GRAMD2A: variants seen among roughly 807,000 people sequenced by gnomAD.
GRAMD2A encodes the protein GRAM domain containing 2A.
Under a neutral mutation model 51.1 loss-of-function variants are expected in GRAMD2A, and 37 were observed. The ratio of observed to expected loss-of-function variants is 0.72; its 90% CI spans 0.56 to 0.95. The LOEUF is 0.95. GRAMD2A is among the 40% of genes least tolerant of loss of function. GRAMD2A has a pLI of 0.00. For missense variants in GRAMD2A, 414 were observed against 426.9 expected, an observed-to-expected ratio of 0.97 and a Z score of 0.27; for synonymous variants, 136 against 157.1, an observed-to-expected ratio of 0.87 and a Z score of 1.01.
rs2081465574 is a variant in GRAMD2A at position 72,160,781 on chromosome 15, GA to G, written c.*1227del. 6.6e-6 allele frequency: 1 copy of G among 152,546 alleles called. No individual in the cohort carries two copies. The highest frequency in any genetic ancestry group is 2.1e-4 in the South Asian group (1 of 4,822). 9.4% of individuals were successfully genotyped at this position (152,546 alleles called of 1,614,324 possible). On this transcript the variant is annotated 3_prime_UTR_variant, in exon 12 of 12. Transcript: ENST00000309731. ...AGAAGAAGAGAAGGCCTTGATAGAG[GA>G]AGAGGAATATCCAAGGCAAAGCCAC...
chr15:72,167,166 C>A (rs2081555725), intron 5 of GRAMD2A, 74 bp from the exon 6 acceptor site: 2 of 1,142,512 alleles, frequency 1.8e-6, no homozygotes, highest in Non-Finnish European at 2.7e-6. Flanking sequence ...GCCTAGGGAC[C>A]CAGCTGTGAG....
chr15:72,163,857 C>T, intron 8 of GRAMD2A, 100 bp from the exon 9 acceptor site: 1 of 1,282,576 alleles, frequency 7.8e-7, no homozygotes, highest in Non-Finnish European at 1.1e-6. Flanking sequence ...CCAGATATTA[C>T]CAAATATAGA....
At chr15:72,178,871 G>C (rs2081676365) in intron 1 of GRAMD2A, among the ~76,000 whole-genome samples, 1 of 152,190 alleles carries the variant, frequency 6.6e-6, no homozygotes, top group Non-Finnish European at 1.5e-5. Flanking sequence ...ACCCGGCCCG[G>C]CTGTCTTGCA....
intron 1 of GRAMD2A, among the ~76,000 whole-genome samples, chr15:72,187,741 T>C (rs564791279): frequency 1.3e-5 from 2 of 152,304 alleles, no homozygotes; most frequent in South Asian, 4.1e-4. Flanking sequence ...CTCAAATTCC[T>C]GGGCTCAAGT....
chr15:72,167,382 A>G (rs1334722405), intron 5 of GRAMD2A, among the ~76,000 whole-genome samples: 1 of 152,234 alleles, frequency 6.6e-6, no homozygotes, highest in Admixed American at 6.5e-5. Flanking sequence ...ATACTCTAGT[A>G]ATGGAGCTCC....
At chr15:72,177,975 G>A (rs190663354) in intron 1 of GRAMD2A, among the ~76,000 whole-genome samples, 30 of 152,258 alleles carry the variant, frequency 2.0e-4, no homozygotes, top group East Asian at 1.7e-3. Flanking sequence ...TGATCCACCC[G>A]CCTCGGCCTC....
intron 1 of GRAMD2A, among the ~76,000 whole-genome samples, chr15:72,184,929 T>C (rs962750687): frequency 2.0e-5 from 3 of 152,246 alleles, no homozygotes; most frequent in Non-Finnish European, 4.4e-5. Flanking sequence ...GCAGATATTT[T>C]CATATTTGGG....
intron 1 of GRAMD2A, among the ~76,000 whole-genome samples, chr15:72,182,223 G>A (rs925120395): frequency 6.6e-6 from 1 of 151,808 alleles, no homozygotes; most frequent in Admixed American, 6.6e-5. Context: ...AAATCAGCTG[G>A]GCGTGGTGGC....
At position 72,176,515 on chromosome 15, in the gene GRAMD2A, G is replaced by A. The variant is rs181706692; in HGVS notation, c.42-6576C>T. On this transcript the variant is annotated intron_variant, in intron 1 of 11. Coordinates refer to ENST00000309731, the MANE Select transcript of GRAMD2A (RefSeq NM_001012642.3). ...GCCAGCCAGGACGCTCAGCCCCAGC[G>A]AGCTCCAAGCAGAGACCTGAAAACA... 1.4e-3 allele frequency: 212 copies of A among 152,814 alleles called. 2 individuals carry two copies. Among genetic ancestry groups the A allele is most frequent in the Admixed American group, 4.0e-3 (62 of 15,312 alleles). 9.5% of individuals were successfully genotyped at this position (152,814 alleles called of 1,614,324 possible). A position where few individuals can be genotyped will look rare whatever the true frequency, so the allele number is the denominator to read the frequency against.
intron 10 of GRAMD2A, chr15:72,162,855 G>A (rs777862689): frequency 2.4e-5 from 5 of 211,152 alleles, no homozygotes; most frequent in South Asian, 9.7e-5. Flanking sequence ...CACTTCCCAC[G>A]ATGCTCCCTG....
chr15:72,197,640 G>T, intron 1 of GRAMD2A, 91 bp downstream of exon 1: 1 of 1,047,732 alleles, frequency 9.5e-7, no homozygotes, highest in African/African-American at 1.7e-5. Flanking sequence ...AGTTGCCGCG[G>T]CCCCAGGAGC....
At chr15:72,196,731 G>T (rs1048169283) in intron 1 of GRAMD2A, among the ~76,000 whole-genome samples, 1 of 152,136 alleles carries the variant, frequency 6.6e-6, no homozygotes, top group Non-Finnish European at 1.5e-5. Context: ...GCAAGGAGGG[G>T]CACCTTTAAA....
chr15:72,166,357 C>G lies in GRAMD2A; in HGVS notation c.543+275G>C. On this transcript the variant is annotated intron_variant, in intron 7 of 11. Transcript: ENST00000309731. This position sits in a 1 kb window ranked among gnomAD's most constrained non-coding sequence, Gnocchi z 4.1. Reference sequence around the variant, plus strand: ...ACACATTTTTGACTTACGATATTTTCAACTTTTGATGGGTTCATGGGACAT... The same window carrying G: ...ACACATTTTTGACTTACGATATTTTGAACTTTTGATGGGTTCATGGGACAT... Among the ~76,000 whole-genome samples the G allele has an allele frequency of 6.6e-6, 1 of 152,144 alleles. No individual in the cohort carries two copies. The highest frequency in any genetic ancestry group is 1.5e-5 in the Non-Finnish European group (1 of 68,024).
chr15:72,162,350 G>A lies in GRAMD2A; in HGVS notation c.984C>T (p.Ser328=). The A allele has an allele frequency of 6.2e-7, 1 of 1,613,942 alleles. No individual in the cohort carries two copies. ...GCCGAGAAATACGGAACGCCAGGTA[G>A]GATGAGGACATGACCAGGAAGCAGA... is the stretch of plus-strand genomic sequence containing the variant. ...VLICFLVMSS[S]YLAFRISRLE... The change falls in exon 11 of 12, where the codon TCC becomes TCT. Residue 328 remains serine, a synonymous_variant. Transcript: ENST00000309731.
At chr15:72,165,315 G>A in intron 8 of GRAMD2A, 39 bp downstream of exon 8, 3 of 1,598,538 alleles carry the variant, frequency 1.9e-6, no homozygotes, top group Non-Finnish European at 2.6e-6. Context: ...TCCAGGCACT[G>A]TCAGTCCAGC....
rs777601792 is a variant in GRAMD2A, at chr15:72,187,117, G to A, written c.41+10614C>T. Among the ~76,000 whole-genome samples, 253 of 151,588 alleles carry A rather than the reference G, an allele frequency of 1.7e-3. 1 individual carries two copies. Among genetic ancestry groups the A allele is most frequent in the Non-Finnish European group, 1.7e-3 (113 of 67,920 alleles). Reference sequence around the variant, plus strand: ...TAGAGGTAGAGTGAGCTGAGATAGCGCCACTGCATTCCAGCCTGGGCAACA... The same window carrying A: ...TAGAGGTAGAGTGAGCTGAGATAGCACCACTGCATTCCAGCCTGGGCAACA... On this transcript the variant is annotated intron_variant, in intron 1 of 11. Coordinates refer to ENST00000309731, the MANE Select transcript of GRAMD2A (RefSeq NM_001012642.3).
At position 72,161,194 on chromosome 15, in the gene GRAMD2A, G is replaced by A. The variant is rs936343330; in HGVS notation, c.*815C>T. 3 of 152,256 alleles carry A rather than the reference G, an allele frequency of 2.0e-5. No homozygotes were observed. The highest frequency in any genetic ancestry group is 7.2e-5 in the African/African-American group (3 of 41,444). 9.4% of individuals were successfully genotyped at this position (152,256 alleles called of 1,614,324 possible). A position where few individuals can be genotyped will look rare whatever the true frequency, so the allele number is the denominator to read the frequency against. Reference sequence around the variant, plus strand: ...CCTTAGAAATGTTTGAGCACACAAGGGCAAAACCCAGTACCAGGTCTGTGA... The same window carrying A: ...CCTTAGAAATGTTTGAGCACACAAGAGCAAAACCCAGTACCAGGTCTGTGA... On this transcript the variant is annotated 3_prime_UTR_variant, in exon 12 of 12. Transcript: ENST00000309731.
In GRAMD2A at chr15:72,170,041, G is replaced by A. The variant is rs1440225997; in HGVS notation, c.42-102C>T. On this transcript the variant is annotated intron_variant, in intron 1 of 11. Transcript: ENST00000309731. The surrounding 1 kb of genome is among the most constrained non-coding windows in gnomAD (Gnocchi z 4.5). ...GCCGCTGCCTCTGGCCCCCACCCAA[G>A]ACTGGCCCTGATATTGAGGGTGACA... 1.8e-5 allele frequency: 15 copies of A among 831,826 alleles called. No individual in the cohort carries two copies. Among genetic ancestry groups the A allele is most frequent in the South Asian group, 1.6e-4 (12 of 74,844 alleles). 51.5% of individuals were successfully genotyped at this position (831,826 alleles called of 1,614,324 possible).
chr15:72,168,849 C>A, intron 3 of GRAMD2A, 90 bp downstream of exon 3: 1 of 1,168,082 alleles, frequency 8.6e-7, no homozygotes, highest in East Asian at 2.3e-5. Flanking sequence ...TGATGACAGG[C>A]CCGGTGGCCA....
Sources: gnomAD v4.1 joint callset for allele counts (sites outside exome capture counted in the v4.1 genomes callset) on GRCh38, gnomAD v4.1.1 for gene constraint, Gnocchi (gnomAD v3.1) non-coding constraint, MANE v1.5 for transcripts, NCBI Gene and HGNC (gene_info 2026-07-23, HGNC 2026-07-21) for gene names.